The following BORCS5 variants were observed in gnomAD, a reference collection of about 807,000 sequenced individuals.
BORCS5 encodes the protein BLOC-1-related complex subunit 5.
In BORCS5, 17 loss-of-function variants were observed where a neutral mutation model predicts 22.1. The ratio of observed to expected loss-of-function variants is 0.77; its 90% CI spans 0.53 to 1.15. The LOEUF is 1.15. Ranked by LOEUF, BORCS5 falls within the 50% of genes most tolerant of loss-of-function variation. The pLI, the probability that BORCS5 is intolerant of heterozygous loss-of-function variation, is 0.00. For synonymous variants in BORCS5, 117 were observed against 99.8 expected (o/e 1.17, Z -1.03); for missense variants, 247 against 253.2 (o/e 0.98, Z 0.17).
In BORCS5 at chr12:12,375,322, A is replaced by G. The variant is rs553774977; in HGVS notation, c.202+13973A>G. Among the ~76,000 whole-genome samples the G allele has an allele frequency of 3.9e-5, 6 of 152,344 alleles. No homozygotes were observed. In the South Asian group the frequency reaches 1.2e-3, roughly 32 times the overall value. ...GCCACTGTGTCCGGCCTGTAGAGGA[A>G]TCTTAAAACTGTCATAGTTGGCCTG... On this transcript the variant is annotated intron_variant, in intron 2 of 3. Transcript: ENST00000314565.
In BORCS5 at chr12:12,435,705, C is replaced by T; in HGVS notation, c.280C>T (p.Leu94Phe). 1.9e-6 allele frequency: 3 copies of T among 1,614,020 alleles called. No individual in the cohort carries two copies. Among genetic ancestry groups the T allele is most frequent in the East Asian group, 2.2e-5 (1 of 44,876 alleles). ...LDSQQVLQLC[L>F]RYQDHLHQCA... ...CTCTCAGCAGGTGTTGCAGCTCTGC[C>T]TCCGATATCAAGATCACCTGCATCA... The change falls in exon 3 of 4, where the codon CTC becomes TTC. Residue 94 changes from leucine to phenylalanine, a missense_variant. Physicochemically the swap from Leu to Phe is conservative, Grantham distance 22. Transcript: ENST00000314565.
intron 2 of BORCS5, among the ~76,000 whole-genome samples, chr12:12,409,796 A>C (rs1941682289): frequency 6.6e-6 from 1 of 151,218 alleles, no homozygotes; most frequent in African/African-American, 2.4e-5. Context: ...ATCCCTGAGG[A>C]ATCGCCACAC....
At chr12:12,439,266 G>A (rs2136130130) in intron 3 of BORCS5, among the ~76,000 whole-genome samples, 1 of 152,306 alleles carries the variant, frequency 6.6e-6, no homozygotes, top group East Asian at 1.9e-4. Context: ...TGGTATTTAT[G>A]AAGGTGCTCT....
chr12:12,401,930 G>A (rs1435133281), intron 2 of BORCS5, among the ~76,000 whole-genome samples: 3 of 151,830 alleles, frequency 2.0e-5, no homozygotes, highest in African/African-American at 4.8e-5. Flanking sequence ...GCTGGGCTTG[G>A]TGGTGGGCGC....
intron 3 of BORCS5, among the ~76,000 whole-genome samples, chr12:12,457,296 C>T (rs888564183): frequency 2.0e-5 from 3 of 152,206 alleles, no homozygotes; most frequent in African/African-American, 2.4e-5. Flanking sequence ...CAGTCATCTG[C>T]AGAAGCAAGA....
At chr12:12,435,415 G>A (rs1245564728) in intron 2 of BORCS5, among the ~76,000 whole-genome samples, 8 of 152,100 alleles carry the variant, frequency 5.3e-5, no homozygotes, top group Non-Finnish European at 7.4e-5. Context: ...CTGTGAATAC[G>A]AAAAATCGTG....
chr12:12,460,804 G>A (rs1294448353), intron 3 of BORCS5, among the ~76,000 whole-genome samples: 3 of 152,124 alleles, frequency 2.0e-5, no homozygotes, highest in South Asian at 4.1e-4. Context: ...TTCAGATGTC[G>A]AAAAAGTGTG....
At chr12:12,404,140 A>G (rs888362227) in intron 2 of BORCS5, among the ~76,000 whole-genome samples, 2 of 152,142 alleles carry the variant, frequency 1.3e-5, no homozygotes, top group Non-Finnish European at 2.9e-5. Flanking sequence ...ATGTGAACAG[A>G]ATGTGCGTCT....
chr12:12,372,346 T>A (rs2417184), intron 2 of BORCS5, among the ~76,000 whole-genome samples: 31,742 of 150,532 alleles, frequency 0.21, 8,016 homozygotes, highest in African/African-American at 0.61. Flanking sequence ...TACTTACTAA[T>A]TTTTTTTTTC....
At chr12:12,366,215 C>G (rs1241244622) in intron 2 of BORCS5, among the ~76,000 whole-genome samples, 2 of 152,190 alleles carry the variant, frequency 1.3e-5, no homozygotes, top group East Asian at 3.8e-4. Context: ...AACTTAATGA[C>G]AGTTTATTCT....
At chr12:12,408,711 G>A (rs1226449795) in intron 2 of BORCS5, among the ~76,000 whole-genome samples, 1 of 152,090 alleles carries the variant, frequency 6.6e-6, no homozygotes, top group African/African-American at 2.4e-5. Flanking sequence ...CACCCATGTT[G>A]TTGCATAGGT....
chr12:12,375,380 T>C (rs191951436), intron 2 of BORCS5, among the ~76,000 whole-genome samples: 109 of 152,288 alleles, frequency 7.2e-4, no homozygotes, highest in African/African-American at 2.4e-3. Flanking sequence ...TCATAGCACT[T>C]TGGAAAGCTG....
chr12:12,399,332 G>T (rs1941418617), intron 2 of BORCS5, among the ~76,000 whole-genome samples: 1 of 152,102 alleles, frequency 6.6e-6, no homozygotes, highest in Non-Finnish European at 1.5e-5. Context: ...ATTGCAAAAG[G>T]GTTTCTTACG....
chr12:12,397,282 A>G (rs1941372110), intron 2 of BORCS5, among the ~76,000 whole-genome samples: 1 of 152,204 alleles, frequency 6.6e-6, no homozygotes, highest in African/African-American at 2.4e-5. Context: ...CTAGGGTGAC[A>G]GTGGAAACCC....
intron 2 of BORCS5, among the ~76,000 whole-genome samples, chr12:12,422,287 A>C (rs564159634): frequency 8.7e-4 from 128 of 147,946 alleles, no homozygotes; most frequent in South Asian, 4.5e-3. Flanking sequence ...CTTTTCTTTT[A>C]TTTTTTTTTT....
intron 2 of BORCS5, among the ~76,000 whole-genome samples, chr12:12,412,151 GA>G (rs1161105547): frequency 2.6e-5 from 4 of 151,974 alleles, no homozygotes; most frequent in African/African-American, 7.3e-5. Flanking sequence ...TTCTATTTCT[GA>G]AAAAAAGTCA....
intron 2 of BORCS5, among the ~76,000 whole-genome samples, chr12:12,419,308 C>G (rs1190502423): frequency 6.6e-6 from 1 of 152,100 alleles, no homozygotes; most frequent in East Asian, 1.9e-4. Context: ...GGTTTTCTGT[C>G]CTTGTGATAG....
chr12:12,432,210 A>G (rs948593099), intron 2 of BORCS5, among the ~76,000 whole-genome samples: 3 of 152,094 alleles, frequency 2.0e-5, no homozygotes, highest in East Asian at 3.9e-4. Flanking sequence ...TGTTTCCTTT[A>G]TGGCTTTTGC....
intron 2 of BORCS5, among the ~76,000 whole-genome samples, chr12:12,375,037 C>T (rs1044980344): frequency 4.0e-5 from 6 of 151,260 alleles, no homozygotes; most frequent in Admixed American, 1.3e-4. Flanking sequence ...TTCTTTTGAG[C>T]TGGAGTCTCT....
Sources: gnomAD v4.1 joint callset for allele counts (sites outside exome capture counted in the v4.1 genomes callset) on GRCh38, gnomAD v4.1.1 for gene constraint, MANE v1.5 for transcripts, NCBI Gene and HGNC (gene_info 2026-07-23, HGNC 2026-07-21) for gene names.